JAZF1: variants seen among roughly 807,000 people sequenced by gnomAD.
JAZF1 encodes the protein JAZF zinc finger 1, also known as juxtaposed with another zinc finger protein 1.
JAZF1 carries 8 observed loss-of-function variants against 26.4 expected under a neutral mutation model. The observed-to-expected ratio is 0.30, with a 90% CI of 0.18 to 0.55. JAZF1 has a LOEUF of 0.55. JAZF1 is among the 20% of genes least tolerant of loss of function. JAZF1 has a pLI of 0.94. For synonymous variants in JAZF1, 126 were observed against 122.3 expected, an observed-to-expected ratio of 1.03 and a Z score of -0.20; for missense variants, 199 against 322.0, an observed-to-expected ratio of 0.62 and a Z score of 2.92.
intron 2 of JAZF1, among the ~76,000 whole-genome samples, chr7:27,944,113 C>T (rs1784892291): frequency 6.6e-6 from 1 of 152,232 alleles, no homozygotes; most frequent in South Asian, 2.1e-4. Context: ...TATTGCCCCA[C>T]TGTGCAGAGC....
In JAZF1 at chr7:28,042,878, T is replaced by C. The variant is rs541241617; in HGVS notation, c.116-50897A>G. Among the ~76,000 whole-genome samples the C allele has an allele frequency of 2.0e-5, 3 of 152,308 alleles. No individual in the cohort carries two copies. In the South Asian group the frequency reaches 6.2e-4, roughly 32 times the overall value. Reference sequence around the variant, plus strand: ...ATAGGTTTTTGTAAGTACACTCTTATGATGTTCAGGTAATGATGAAATCAC... The same window carrying C: ...ATAGGTTTTTGTAAGTACACTCTTACGATGTTCAGGTAATGATGAAATCAC... On this transcript the variant is annotated intron_variant, in intron 1 of 4. Coordinates refer to ENST00000283928, the MANE Select transcript of JAZF1 (RefSeq NM_175061.4).
intron 1 of JAZF1, among the ~76,000 whole-genome samples, chr7:28,085,637 A>G (rs1287247368): frequency 1.3e-5 from 2 of 152,200 alleles, no homozygotes; most frequent in African/African-American, 4.8e-5. Flanking sequence ...TGTTGACATC[A>G]TGTTAACTAT....
intron 2 of JAZF1, among the ~76,000 whole-genome samples, chr7:27,963,302 G>A (rs148050453): frequency 7.4e-4 from 113 of 152,200 alleles, no homozygotes; most frequent in Non-Finnish European, 1.4e-3. Context: ...CTTTAAATTG[G>A]AAACAATGTA....
intron 1 of JAZF1, among the ~76,000 whole-genome samples, chr7:28,019,093 G>A (rs922258921): frequency 6.6e-6 from 1 of 152,300 alleles, no homozygotes; most frequent in Non-Finnish European, 1.5e-5. Context: ...TGGCTCCTCT[G>A]TTTATCCTTG....
intron 3 of JAZF1, among the ~76,000 whole-genome samples, chr7:27,888,250 T>A (rs927014575): frequency 6.6e-6 from 1 of 152,196 alleles, no homozygotes; most frequent in Non-Finnish European, 1.5e-5. Context: ...ATCACAAAAT[T>A]CAGTCAGGCT....
At chr7:27,919,040 T>A (rs1323121288) in intron 2 of JAZF1, among the ~76,000 whole-genome samples, 1 of 152,220 alleles carries the variant, frequency 6.6e-6, no homozygotes, top group South Asian at 2.1e-4. Context: ...TCATGGTTCT[T>A]AAAAGTTAAG....
At chr7:27,980,417 T>C (rs995055623) in intron 2 of JAZF1, among the ~76,000 whole-genome samples, 3 of 152,180 alleles carry the variant, frequency 2.0e-5, no homozygotes, top group Admixed American at 2.0e-4. Context: ...GTTCAACATA[T>C]TATGTTCAAG....
chr7:28,074,805 C>T (rs1408405969), intron 1 of JAZF1, among the ~76,000 whole-genome samples: 1 of 152,136 alleles, frequency 6.6e-6, no homozygotes, highest in Non-Finnish European at 1.5e-5. Flanking sequence ...CATTATTATA[C>T]ACTGCCTCAT....
rs187048138 is a variant in JAZF1 at position 27,832,389 on chromosome 7, A to G, written c.*411T>C. The G allele has an allele frequency of 1.6e-3, 374 of 227,638 alleles. 2 individuals carry two copies. The highest frequency in any genetic ancestry group is 7.7e-3 in the African/African-American group (349 of 45,112). The allele number at this position is 227,638 out of a possible 1,614,324, so 14.1% of individuals were successfully genotyped here. A position where few individuals can be genotyped will look rare whatever the true frequency, so the allele number is the denominator to read the frequency against. On this transcript the variant is annotated 3_prime_UTR_variant, in exon 5 of 5. Coordinates refer to ENST00000283928, the MANE Select transcript of JAZF1 (RefSeq NM_175061.4). Reference sequence around the variant, plus strand: ...AAGGTATTATTTTGGTTTTGAACATATGTGAGTTGATGTGTTGAAAACTTC... The same window carrying G: ...AAGGTATTATTTTGGTTTTGAACATGTGTGAGTTGATGTGTTGAAAACTTC...
intron 1 of JAZF1, among the ~76,000 whole-genome samples, chr7:28,163,250 A>C (rs1167922071): frequency 6.6e-6 from 1 of 152,182 alleles, no homozygotes; most frequent in Non-Finnish European, 1.5e-5. Context: ...CAGCAGTCCA[A>C]CCAGAACCTG....
At chr7:27,950,952 CGTCT>C (rs1176864969) in intron 2 of JAZF1, among the ~76,000 whole-genome samples, 2 of 152,014 alleles carry the variant, frequency 1.3e-5, no homozygotes, top group African/African-American at 4.8e-5. Flanking sequence ...AAGATAATTT[CGTCT>C]TTCTCTTCTA....
At chr7:28,131,105 T>C (rs73089281) in intron 1 of JAZF1, among the ~76,000 whole-genome samples, 1 of 152,314 alleles carries the variant, frequency 6.6e-6, no homozygotes, top group Non-Finnish European at 1.5e-5. Flanking sequence ...ACATCAGAGA[T>C]TCTGGAGCTT....
chr7:27,924,907 A>G lies in JAZF1; in HGVS notation c.189-29491T>C, dbSNP rs1438144560. Among the ~76,000 whole-genome samples, 4 of 152,248 alleles carry G rather than the reference A, an allele frequency of 2.6e-5. No homozygotes were observed. In the East Asian group the frequency reaches 5.8e-4, roughly 22 times the overall value. On this transcript the variant is annotated intron_variant, in intron 2 of 4. Coordinates refer to ENST00000283928, the MANE Select transcript of JAZF1 (RefSeq NM_175061.4). ...TCCCTTGGAACACAACATGACATCCATCGTGAACACAGTGCTTTACCAACA... is the reference window on the plus strand; with the variant it reads ...TCCCTTGGAACACAACATGACATCCGTCGTGAACACAGTGCTTTACCAACA...
intron 3 of JAZF1, among the ~76,000 whole-genome samples, chr7:27,848,320 T>C (rs1274766631): frequency 2.0e-5 from 3 of 152,204 alleles, no homozygotes; most frequent in Non-Finnish European, 4.4e-5. Context: ...ATAAATGGGA[T>C]TGTTGTCTTG....
chr7:28,171,180 C>G (rs1783464067), intron 1 of JAZF1, among the ~76,000 whole-genome samples: 1 of 152,202 alleles, frequency 6.6e-6, no homozygotes, highest in South Asian at 2.1e-4. Context: ...CCAAATACCC[C>G]TGGCAATTTA....
chr7:27,840,972 G>T lies in JAZF1; in HGVS notation c.386-105C>A. The T allele has an allele frequency of 8.2e-7, 1 of 1,215,698 alleles. No homozygotes were observed. 75.3% of individuals were successfully genotyped at this position (1,215,698 alleles called of 1,614,324 possible). A position where few individuals can be genotyped will look rare whatever the true frequency, so the allele number is the denominator to read the frequency against. ...GATGTGGCCGTGGCAGAGCAGCGCT[G>T]ACGGCCCAGGGAGAGGGCACTCCCG... On this transcript the variant is annotated intron_variant, in intron 3 of 4. Transcript: ENST00000283928. The surrounding 1 kb of genome is among the most constrained non-coding windows in gnomAD (Gnocchi z 5.1).
intron 3 of JAZF1, among the ~76,000 whole-genome samples, chr7:27,892,908 C>T (rs1023602069): frequency 1.1e-4 from 17 of 152,136 alleles, no homozygotes; most frequent in Non-Finnish European, 2.9e-5. Flanking sequence ...TTAACTTTGA[C>T]AAAAAATCTA....
intron 1 of JAZF1, among the ~76,000 whole-genome samples, chr7:28,116,311 AGT>A (rs1179136167): frequency 1.3e-5 from 2 of 152,238 alleles, no homozygotes; most frequent in African/African-American, 4.8e-5. Context: ...ACAATTTCTA[AGT>A]GTCACACTGT....
intron 2 of JAZF1, among the ~76,000 whole-genome samples, chr7:27,964,104 G>T (rs1371737531): frequency 1.3e-5 from 2 of 152,208 alleles, no homozygotes; most frequent in South Asian, 4.2e-4. Context: ...TTTTCCCTTG[G>T]AAATGTTTAA....
Sources: allele counts gnomAD v4.1 joint callset (sites outside exome capture counted in the v4.1 genomes callset), GRCh38; gene constraint gnomAD v4.1.1; non-coding constraint Gnocchi (gnomAD v3.1); transcripts MANE v1.5; gene names NCBI Gene and HGNC (gene_info 2026-07-23, HGNC 2026-07-21).